LRBA: variants seen among roughly 807,000 people sequenced by gnomAD.
The protein encoded by LRBA is LPS responsive beige-like anchor protein.
In LRBA, 176 loss-of-function variants were observed where a neutral mutation model predicts 330.0. The observed-to-expected ratio is 0.53, with a 90% CI of 0.47 to 0.60. The LOEUF (loss-of-function observed/expected upper bound fraction) is 0.60, where lower values mean the gene tolerates loss of function less well. LRBA is among the 20% of genes least tolerant of loss of function. The pLI, the probability that LRBA is intolerant of heterozygous loss-of-function variation, is 0.00. For missense variants in LRBA, 3,259 were observed against 3,444.8 expected (o/e 0.95, Z 1.35); for synonymous variants, 1,230 against 1,193.0 (o/e 1.03, Z -0.64).
intron 36 of LRBA, among the ~76,000 whole-genome samples, chr4:150,713,117 G>A (rs1786399646): frequency 6.6e-6 from 1 of 151,862 alleles, no homozygotes; most frequent in South Asian, 2.1e-4. Flanking sequence ...TTAAATTTTT[G>A]AAGAGATGGG....
intron 42 of LRBA, among the ~76,000 whole-genome samples, chr4:150,476,536 A>ACCACTC (rs1165785653): frequency 6.6e-6 from 1 of 152,034 alleles, no homozygotes; most frequent in African/African-American, 2.4e-5. Flanking sequence ...CTACACCACC[A>ACCACTC]CCACTCTAGC....
intron 2 of LRBA, among the ~76,000 whole-genome samples, chr4:151,005,014 G>A (rs1356508250): frequency 6.6e-6 from 1 of 151,814 alleles, no homozygotes; most frequent in Non-Finnish European, 1.5e-5. Context: ...AGAAGGTAGG[G>A]AAAAAAGATA....
At chr4:150,952,667 G>A (rs1322033138) in intron 2 of LRBA, among the ~76,000 whole-genome samples, 1 of 151,930 alleles carries the variant, frequency 6.6e-6, no homozygotes, top group Non-Finnish European at 1.5e-5. Flanking sequence ...GGTGGGCGGG[G>A]TGGAGAGGGT....
chr4:150,555,758 C>A (rs889279606), intron 40 of LRBA, among the ~76,000 whole-genome samples: 4 of 146,236 alleles, frequency 2.7e-5, no homozygotes, highest in Non-Finnish European at 4.5e-5. Flanking sequence ...CTTATAAAAA[C>A]ACACACACAC....
chr4:150,645,929 C>T (rs938652526), intron 37 of LRBA, among the ~76,000 whole-genome samples: 1 of 127,450 alleles, frequency 7.8e-6, no homozygotes, highest in African/African-American at 3.0e-5. Context: ...CATTAGAAAA[C>T]CCATTACAGA....
chr4:150,599,988 G>C (rs1412564153), intron 37 of LRBA, among the ~76,000 whole-genome samples: 3 of 151,708 alleles, frequency 2.0e-5, no homozygotes, highest in South Asian at 2.1e-4. Context: ...TTTAAAAAAA[G>C]GTTTGCTCAT....
intron 56 of LRBA, 97 bp from the exon 57 acceptor site, chr4:150,265,909 A>G (rs1745250206): frequency 2.7e-6 from 2 of 753,404 alleles, no homozygotes; most frequent in African/African-American, 3.4e-5. Context: ...TAAATATAGA[A>G]GCTGGCAGTG....
Position 150,559,843 on chromosome 4 carries a change from TATA to T in LRBA, c.6330+28202_6330+28204del, listed in dbSNP as rs1448331862. On this transcript the variant is annotated intron_variant, in intron 40 of 56. Transcript: ENST00000651943. ...ATATAATAATATAAAATATAATATATATAATAATATATAATTATATATAATATA... is the reference window on the plus strand; with the variant it reads ...ATATAATAATATAAAATATAATATATATAATATATAATTATATATAATATA... Among the ~76,000 whole-genome samples the T allele has an allele frequency of 4.1e-3, 311 of 75,484 alleles. 9 individuals carry two copies. The East Asian group carries it at 0.07, about 17-fold the overall frequency. The allele number at this position is 75,484 out of a possible 152,430, so 49.5% of individuals were successfully genotyped here. A position where few individuals can be genotyped will look rare whatever the true frequency, so the allele number is the denominator to read the frequency against.
intron 37 of LRBA, among the ~76,000 whole-genome samples, chr4:150,681,135 T>C (rs183108642): frequency 6.6e-6 from 1 of 152,366 alleles, no homozygotes; most frequent in East Asian, 1.9e-4. Flanking sequence ...ATTGTGCATA[T>C]TTCTTTTAGC....
intron 30 of LRBA, among the ~76,000 whole-genome samples, chr4:150,825,558 G>A (rs2126800478): frequency 6.6e-6 from 1 of 152,128 alleles, no homozygotes; most frequent in South Asian, 2.1e-4. Flanking sequence ...TAGTAGAGGT[G>A]GGGTTTCACC....
intron 46 of LRBA, chr4:150,422,867 G>A: frequency 8.5e-7 from 1 of 1,182,952 alleles, no homozygotes; most frequent in Non-Finnish European, 1.3e-6. Context: ...GATCCACCAG[G>A]GCCTCCTAAC....
chr4:150,703,268 T>C (rs1161795842), intron 36 of LRBA, among the ~76,000 whole-genome samples: 1 of 152,262 alleles, frequency 6.6e-6, no homozygotes, highest in Non-Finnish European at 1.5e-5. Context: ...ACTTTCTTAC[T>C]TGCTGTATCT....
At chr4:150,543,873 T>TTA (rs549418227) in intron 40 of LRBA, among the ~76,000 whole-genome samples, 249 of 152,178 alleles carry the variant, frequency 1.6e-3, no homozygotes, top group Non-Finnish European at 2.4e-3. Flanking sequence ...AAAATATATT[T>TTA]TATATATATT....
At chr4:150,605,501 C>T (rs961193233) in intron 37 of LRBA, among the ~76,000 whole-genome samples, 2 of 152,126 alleles carry the variant, frequency 1.3e-5, no homozygotes, top group Non-Finnish European at 2.9e-5. Context: ...CTTAAATTTT[C>T]ACATTGCCTG....
chr4:150,751,695 T>C (rs1223220585), intron 35 of LRBA, among the ~76,000 whole-genome samples: 1 of 152,106 alleles, frequency 6.6e-6, no homozygotes, highest in Non-Finnish European at 1.5e-5. Flanking sequence ...AAAAACTATG[T>C]ATAATTTACA....
rs139863798 is a variant in LRBA at position 150,741,918 on chromosome 4, G to C, written c.5646-6552C>G. Among the ~76,000 whole-genome samples, 646 of 151,702 alleles carry C rather than the reference G, an allele frequency of 4.3e-3. 4 individuals carry two copies. The highest frequency in any genetic ancestry group is 0.015 in the African/African-American group (625 of 41,422). On this transcript the variant is annotated intron_variant, in intron 35 of 56. Transcript: ENST00000651943. ...ACGGAACACTGATAATGGCCACGGA[G>C]TTCTAAATATTTTAATAAAATGTCT...
intron 35 of LRBA, among the ~76,000 whole-genome samples, chr4:150,761,255 G>A (rs1189002974): frequency 6.6e-6 from 1 of 151,420 alleles, no homozygotes; most frequent in Non-Finnish European, 1.5e-5. Flanking sequence ...TTTCATCTCT[G>A]TACTTTCTTC....
chr4:150,377,031 A>T (rs1741442884), intron 47 of LRBA, among the ~76,000 whole-genome samples: 1 of 151,836 alleles, frequency 6.6e-6, no homozygotes, highest in Non-Finnish European at 1.5e-5. Flanking sequence ...GTGGTGACTC[A>T]TGCCTGTAAT....
intron 47 of LRBA, among the ~76,000 whole-genome samples, chr4:150,359,226 T>A (rs989479455): frequency 2.4e-4 from 36 of 152,204 alleles, no homozygotes; most frequent in African/African-American, 8.4e-4. Flanking sequence ...TGTTAGCATC[T>A]CTCTCATCTA....
Sources: allele counts gnomAD v4.1 joint callset (sites outside exome capture counted in the v4.1 genomes callset), GRCh38; gene constraint gnomAD v4.1.1; transcripts MANE v1.5; gene names NCBI Gene and HGNC (gene_info 2026-07-23, HGNC 2026-07-21).